TRPV4: variants seen among roughly 807,000 people sequenced by gnomAD.
TRPV4 encodes transient receptor potential cation channel subfamily V member 4.
A neutral mutation model predicts 84.1 loss-of-function variants in TRPV4; 58 were observed. The observed-to-expected ratio is 0.69, with a 90% confidence interval of 0.56 to 0.86. The LOEUF is 0.86. Among genes scored for constraint, TRPV4 ranks in the 40% least tolerant of loss-of-function variants. The probability of loss-of-function intolerance (pLI) is 0.00; values close to 1 mark genes in which losing one functional copy is unlikely to be tolerated. For missense variants in TRPV4, 879 were observed against 1,181.1 expected, an observed-to-expected ratio of 0.74 and a Z score of 3.75; for synonymous variants, 489 against 500.9, an observed-to-expected ratio of 0.98 and a Z score of 0.32.
chr12:109,805,216 C>T (rs2136577891), intron 3 of TRPV4, among the ~76,000 whole-genome samples: 1 of 152,370 alleles, frequency 6.6e-6, no homozygotes, highest in Non-Finnish European at 1.5e-5. Flanking sequence ...AAGCACAGTG[C>T]CTGGTATGTG....
In TRPV4 at chr12:109,793,667, A is replaced by T; in HGVS notation, c.1585-67T>A. On this transcript the variant is annotated intron_variant, in intron 9 of 15. Transcript: ENST00000261740. The surrounding 1 kb of genome is among the most constrained non-coding windows in gnomAD (Gnocchi z 4.0). ...AGGAGAGGAGAGGAGGAGAGAGGAG[A>T]CAGAGAAAGGGATAGAAGAGAGGGA... 7.5e-7 allele frequency: 1 copy of T among 1,325,776 alleles called. No homozygotes were observed. The highest frequency in any genetic ancestry group is 1.1e-6 in the Non-Finnish European group (1 of 918,592). The allele number at this position is 1,325,776 out of a possible 1,614,324, so 82.1% of individuals were successfully genotyped here. A position where few individuals can be genotyped will look rare whatever the true frequency, so the allele number is the denominator to read the frequency against.
chr12:109,827,799 T>A (rs567767537), intron 1 of TRPV4, among the ~76,000 whole-genome samples: 10 of 151,398 alleles, frequency 6.6e-5, no homozygotes, highest in African/African-American at 2.4e-4. Context: ...CATAAACATA[T>A]AGTCATACAT....
Position 109,814,416 on chromosome 12 carries a change from G to A in TRPV4, c.381C>T (p.Ile127=), listed in dbSNP as rs367838389. Residue 127 remains isoleucine, a synonymous_variant, in exon 2 of 16, where the codon ATC becomes ATT. Transcript: ENST00000261740. The surrounding 1 kb of genome is among the most constrained non-coding windows in gnomAD (Gnocchi z 5.4). ...SSDNKRWRKK[I]IEKQPQSPKA... ...AGGAAGCTAACAATACTCACTCTAT[G>A]ATCTTCTTCCTCCACCTCTTGTTGT... 2 of 1,613,866 alleles carry A rather than the reference G, an allele frequency of 1.2e-6. No homozygotes were observed. Among genetic ancestry groups the A allele is most frequent in the African/African-American group, 2.7e-5 (2 of 74,914 alleles).
rs747233625 is a variant in TRPV4 at position 109,786,918 on chromosome 12, C to A, written c.2209-81G>T. 4 of 1,597,096 alleles carry A rather than the reference C, an allele frequency of 2.5e-6. No homozygotes were observed. The highest frequency in any genetic ancestry group is 3.4e-6 in the Non-Finnish European group (4 of 1,169,794). Reference sequence around the variant, plus strand: ...CGCTCTGGTGGCAGAAATGAGACAACGGGCCAGGGTGGGCCCAGAACTAGG... The same window carrying A: ...CGCTCTGGTGGCAGAAATGAGACAAAGGGCCAGGGTGGGCCCAGAACTAGG... On this transcript the variant is annotated intron_variant, in intron 13 of 15. Transcript: ENST00000261740. The surrounding 1 kb of genome is among the most constrained non-coding windows in gnomAD (Gnocchi z 4.5).
intron 1 of TRPV4, among the ~76,000 whole-genome samples, chr12:109,831,857 G>A (rs1350506147): frequency 6.6e-6 from 1 of 152,238 alleles, no homozygotes; most frequent in Non-Finnish European, 1.5e-5. Flanking sequence ...TGCCATTTGT[G>A]TCTGGGACCC....
At chr12:109,829,908 T>C (rs1289837376) in intron 1 of TRPV4, among the ~76,000 whole-genome samples, 1 of 152,244 alleles carries the variant, frequency 6.6e-6, no homozygotes, top group Admixed American at 6.5e-5. Context: ...CTCTCACTCC[T>C]GGGCTTAAGC....
chr12:109,784,457 G>T lies in TRPV4; in HGVS notation c.2337-20C>A. On this transcript the variant is annotated intron_variant, in intron 14 of 15. Coordinates refer to ENST00000261740, the MANE Select transcript of TRPV4 (RefSeq NM_021625.5). ...TCCACCCTGGCAGGGCCCAAGCAGA[G>T]GGTCATGGGGAACCCCTCAGAGACG... The T allele has an allele frequency of 6.2e-7, 1 of 1,614,064 alleles. No individual in the cohort carries two copies.
chr12:109,794,631 A>T (rs1890276151), intron 7 of TRPV4, 144 bp from the exon 8 acceptor site: 1 of 864,184 alleles, frequency 1.2e-6, no homozygotes, highest in Admixed American at 1.9e-5. Flanking sequence ...TCACGGATTC[A>T]TGAATGGATT....
At chr12:109,802,136 T>TTA (rs1477594330) in intron 4 of TRPV4, among the ~76,000 whole-genome samples, 1 of 151,106 alleles carries the variant, frequency 6.6e-6, no homozygotes, top group Non-Finnish European at 1.5e-5. Flanking sequence ...GAATCTTTTT[T>TTA]TTTTTTTTTT....
chr12:109,820,625 C>A (rs1469575424), intron 1 of TRPV4, among the ~76,000 whole-genome samples: 2 of 150,978 alleles, frequency 1.3e-5, no homozygotes, highest in Non-Finnish European at 2.9e-5. Context: ...CGGGTTCACG[C>A]CATTCTTCTG....
intron 5 of TRPV4, among the ~76,000 whole-genome samples, chr12:109,799,725 A>C (rs866719296): frequency 6.6e-6 from 1 of 152,150 alleles, no homozygotes; most frequent in Admixed American, 6.6e-5. Flanking sequence ...ACATGCCTGG[A>C]AAGTGCAGAG....
chr12:109,801,514 A>G (rs1890781748), intron 4 of TRPV4, among the ~76,000 whole-genome samples: 1 of 152,074 alleles, frequency 6.6e-6, no homozygotes, highest in Non-Finnish European at 1.5e-5. Context: ...TTCCCCTTCC[A>G]CAATGATTGT....
At position 109,793,964 on chromosome 12, in the gene TRPV4, G is replaced by C; in HGVS notation, c.1550C>G (p.Thr517Arg). Residue 517 changes from threonine (T) to arginine (R), a missense_variant, in exon 9 of 16, where the codon ACG becomes AGG. Transcript: ENST00000261740. The surrounding 1 kb of genome is among the most constrained non-coding windows in gnomAD (Gnocchi z 4.0). ...GAAGAACAGGACCCCAGTGAAGAGC[G>C]TAATGACCTCGCCAGCCAGCCGCAG... is the stretch of plus-strand genomic sequence containing the variant. ...DYLRLAGEVI[T>R]LFTGVLFFFT... 1 of 1,610,514 alleles carries C rather than the reference G, an allele frequency of 6.2e-7. No homozygotes were observed. The highest frequency in any genetic ancestry group is 8.5e-7 in the Non-Finnish European group (1 of 1,179,146).
intron 3 of TRPV4, among the ~76,000 whole-genome samples, chr12:109,805,454 C>T (rs1055237839): frequency 3.3e-5 from 5 of 152,220 alleles, no homozygotes; most frequent in South Asian, 2.1e-4. Flanking sequence ...GTTCCAGGAA[C>T]CAGCCACCAG....
intron 5 of TRPV4, 103 bp downstream of exon 5, chr12:109,800,515 G>A: frequency 6.2e-6 from 9 of 1,457,752 alleles, no homozygotes; most frequent in African/African-American, 5.5e-5. Context: ...AGTGGCCCTG[G>A]GTGTCTGGGT....
chr12:109,786,763 C>T lies in TRPV4; in HGVS notation c.2283G>A (p.Met761Ile). Residue 761 changes from methionine (M) to isoleucine (I), a missense_variant, in exon 14 of 16, where the codon ATG (methionine) becomes ATA (isoleucine). This residue lies in a region of TRPV4 where 242 missense variants were observed against 355.3 expected (regional missense o/e 0.68). Transcript: ENST00000261740. This position sits in a 1 kb window ranked among gnomAD's most constrained non-coding sequence, Gnocchi z 4.5. The stretch of plus-strand genomic sequence containing the variant: ...CGTCCGAGCTCTTGCCCACGGTGAC[C>T]ATCTCCCCAGAGCGGAAGGCCTTCC... ...FLRKAFRSGE[M>I]VTVGKSSDGT... is the part of the protein sequence containing the mutation. 6.2e-7 allele frequency: 1 copy of T among 1,614,042 alleles called. No homozygotes were observed. The highest frequency in any genetic ancestry group is 1.1e-5 in the South Asian group (1 of 91,086).
At chr12:109,806,912 G>T (rs1326436263) in intron 3 of TRPV4, among the ~76,000 whole-genome samples, 5 of 150,906 alleles carry the variant, frequency 3.3e-5, no homozygotes, top group Non-Finnish European at 7.4e-5. Context: ...GGTATATGTG[G>T]ATGATGTAGC....
At chr12:109,813,013 A>G (rs1319018261) in intron 2 of TRPV4, among the ~76,000 whole-genome samples, 3 of 151,110 alleles carry the variant, frequency 2.0e-5, no homozygotes, top group African/African-American at 4.9e-5. Context: ...GAACAGATGT[A>G]TAAATAAGAA....
chr12:109,796,821 C>G lies in TRPV4; in HGVS notation c.1153-117G>C, dbSNP rs1045736614. The G allele has an allele frequency of 2.9e-6, 3 of 1,025,840 alleles. No individual in the cohort carries two copies. The highest frequency in any genetic ancestry group is 2.8e-6 in the Non-Finnish European group (2 of 721,168). The allele number at this position is 1,025,840 out of a possible 1,614,324, so 63.5% of individuals were successfully genotyped here. A position where few individuals can be genotyped will look rare whatever the true frequency, so the allele number is the denominator to read the frequency against. ...AGCTAAGCACCGGCTGCTGGAGGAC[C>G]CTTTCCTCATCTTGTTTAATTCTTG... On this transcript the variant is annotated intron_variant, in intron 6 of 15. Transcript: ENST00000261740. This position sits in a 1 kb window ranked among gnomAD's most constrained non-coding sequence, Gnocchi z 4.2.
Sources: allele counts gnomAD v4.1 joint callset (sites outside exome capture counted in the v4.1 genomes callset), GRCh38; gene constraint gnomAD v4.1.1; regional missense constraint gnomAD v4.1.1; non-coding constraint Gnocchi (gnomAD v3.1); transcripts MANE v1.5; gene names NCBI Gene and HGNC (gene_info 2026-07-23, HGNC 2026-07-21).